The following SNRPB2 variants were observed in gnomAD, a reference collection of about 807,000 sequenced individuals.
SNRPB2 encodes U2 small nuclear ribonucleoprotein B''.
Under a neutral mutation model 26.3 loss-of-function variants are expected in SNRPB2, and 16 were observed. The observed-to-expected ratio is 0.61, with a 90% CI of 0.41 to 0.92. SNRPB2 has a LOEUF of 0.92. Among genes scored for constraint, SNRPB2 ranks in the 40% least tolerant of loss-of-function variants. SNRPB2 has a pLI of 0.00. For missense variants in SNRPB2, 179 were observed against 268.1 expected, an observed-to-expected ratio of 0.67 and a Z score of 2.32; for synonymous variants, 75 against 89.0, an observed-to-expected ratio of 0.84 and a Z score of 0.88.
intron 5 of SNRPB2, 134 bp from the exon 6 acceptor site, chr20:16,740,191 C>CTGT: frequency 6.9e-7 from 1 of 1,457,462 alleles, no homozygotes; most frequent in Admixed American, 2.6e-5. Context: ...TGCTTAGTTA[C>CTGT]TGTAAGGTTT....
intron 2 of SNRPB2, 83 bp from the exon 3 acceptor site, chr20:16,732,081 G>T: frequency 1.3e-6 from 1 of 789,550 alleles, no homozygotes; most frequent in East Asian, 2.6e-5. Flanking sequence ...TGGTGGGGGG[G>T]GCAACTCAAT....
chr20:16,731,575 C>A, intron 1 of SNRPB2, 93 bp from the exon 2 acceptor site: 1 of 1,282,332 alleles, frequency 7.8e-7, no homozygotes, highest in Non-Finnish European at 1.1e-6. Context: ...TTTCTGACAA[C>A]TGGGATTGAA....
chr20:16,738,139 A>G (rs8116731), intron 4 of SNRPB2, among the ~76,000 whole-genome samples: 22,700 of 151,516 alleles, frequency 0.15, 2,130 homozygotes, highest in African/African-American at 0.25. Context: ...GAAATACCAG[A>G]TAAAAGTGAA....
chr20:16,734,564 T>C (rs1228792899), intron 3 of SNRPB2, among the ~76,000 whole-genome samples: 1 of 152,222 alleles, frequency 6.6e-6, no homozygotes, highest in Non-Finnish European at 1.5e-5. Context: ...GACTTTTATC[T>C]CTAATAGGTA....
intron 5 of SNRPB2, among the ~76,000 whole-genome samples, chr20:16,739,526 C>G (rs1304059633): frequency 2.0e-5 from 3 of 152,074 alleles, no homozygotes; most frequent in Non-Finnish European, 4.4e-5. Flanking sequence ...ATAGAATTCT[C>G]TGTACCACTG....
chr20:16,736,866 C>G (rs990585828), intron 3 of SNRPB2, among the ~76,000 whole-genome samples: 3 of 152,188 alleles, frequency 2.0e-5, no homozygotes, highest in African/African-American at 7.2e-5. Flanking sequence ...TGAGCCAGAT[C>G]CTCAGGCACT....
At chr20:16,733,146 G>A (rs761179461) in intron 3 of SNRPB2, among the ~76,000 whole-genome samples, 19 of 152,188 alleles carry the variant, frequency 1.2e-4, no homozygotes, top group Non-Finnish European at 2.1e-4. Context: ...CTTCATTCTG[G>A]TTGTACTATT....
intron 2 of SNRPB2, 103 bp from the exon 3 acceptor site, chr20:16,732,061 A>T: frequency 4.2e-6 from 3 of 719,342 alleles, no homozygotes; most frequent in South Asian, 3.7e-5. Context: ...TAACTGTATA[A>T]ATAAGTGAAT....
chr20:16,740,044 A>T (rs1408440612), intron 5 of SNRPB2, among the ~76,000 whole-genome samples: 1 of 151,820 alleles, frequency 6.6e-6, no homozygotes, highest in African/African-American at 2.4e-5. Flanking sequence ...ATCTTTGATT[A>T]TGTTATCCAG....
chr20:16,739,739 A>G (rs1452035477), intron 5 of SNRPB2, among the ~76,000 whole-genome samples: 1 of 152,076 alleles, frequency 6.6e-6, no homozygotes, highest in Non-Finnish European at 1.5e-5. Flanking sequence ...TTAGTTCCCC[A>G]TAACCTCTGG....
Position 16,737,344 on chromosome 20 carries a change from G to GA in SNRPB2, c.327dup (p.Ala110SerfsTer24). Reference sequence around the variant, plus strand: ...CTGACAAAGAAAAGAAAAAAGAAAAGAAAAAAGCCAAAACTGTGGAACAGA... The same window carrying GA: ...CTGACAAAGAAAAGAAAAAAGAAAAGAAAAAAAGCCAAAACTGTGGAACAGA... On this transcript the variant is annotated frameshift_variant, in exon 4 of 7. Coordinates refer to ENST00000246071, the MANE Select transcript of SNRPB2 (RefSeq NM_003092.5). LOFTEE classifies it high-confidence loss of function. The GA allele has an allele frequency of 1.2e-6, 2 of 1,606,466 alleles. No individual in the cohort carries two copies. The highest frequency in any genetic ancestry group is 1.7e-6 in the Non-Finnish European group (2 of 1,177,944).
At chr20:16,739,040 C>A in intron 5 of SNRPB2, 138 bp downstream of exon 5, 11 of 616,168 alleles carry the variant, frequency 1.8e-5, no homozygotes, top group African/African-American at 7.5e-5. Flanking sequence ...TCTGCCACTG[C>A]AATGTAAGAA....
rs75274334 is a variant in SNRPB2, at chr20:16,731,472, A to C, written c.-35-196A>C. 2.1e-3 allele frequency among the ~76,000 whole-genome samples: 317 copies of C among 152,356 alleles called. 2 individuals carry two copies. Among genetic ancestry groups the C allele is most frequent in the African/African-American group, 7.4e-3 (306 of 41,586 alleles). On this transcript the variant is annotated intron_variant, in intron 1 of 6. Transcript: ENST00000246071. ...AAATCTGGCTAGGTATTGGTGCTCC[A>C]AGTTTTGAATGTGAGAAACTGTTCT... is the stretch of plus-strand genomic sequence containing the variant.
intron 5 of SNRPB2, 33 bp downstream of exon 5, chr20:16,738,935 AATAAG>A: frequency 6.9e-7 from 1 of 1,445,354 alleles, no homozygotes; most frequent in Non-Finnish European, 9.7e-7. Flanking sequence ...CTTACCTTAA[AATAAG>A]ATTGTAAAAA....
intron 3 of SNRPB2, among the ~76,000 whole-genome samples, chr20:16,734,087 G>A (rs1433893584): frequency 6.6e-6 from 1 of 152,196 alleles, no homozygotes; most frequent in Non-Finnish European, 1.5e-5. Context: ...GCTGAGTTGA[G>A]ATGACAAGTT....
intron 1 of SNRPB2, chr20:16,730,520 C>G (rs139697394): frequency 6.6e-6 from 1 of 152,366 alleles, no homozygotes; most frequent in African/African-American, 2.4e-5. Flanking sequence ...TTCACTTTGA[C>G]CTCTGCCTCA....
At chr20:16,735,311 A>T (rs917028708) in intron 3 of SNRPB2, among the ~76,000 whole-genome samples, 2 of 152,006 alleles carry the variant, frequency 1.3e-5, no homozygotes, top group African/African-American at 4.8e-5. Context: ...TAATTTGTAC[A>T]GATTACTACA....
In SNRPB2 at chr20:16,735,623, T is replaced by C. The variant is rs150938614; in HGVS notation, c.238-1638T>C. On this transcript the variant is annotated intron_variant, in intron 3 of 6. Coordinates refer to ENST00000246071, the MANE Select transcript of SNRPB2 (RefSeq NM_003092.5). ...CCCAGACCTACTACATCAGAGCTTT[T>C]ACCTACTTTCCAGGCATTTGGAATG... Among the ~76,000 whole-genome samples the C allele has an allele frequency of 7.7e-3, 1,173 of 152,310 alleles. 17 individuals are homozygous for C. Among genetic ancestry groups the C allele is most frequent in the African/African-American group, 0.027 (1,115 of 41,566 alleles).
rs1327406656 is a variant in SNRPB2 at position 16,741,926 on chromosome 20, A to G, written c.*921A>G. Reference sequence around the variant, plus strand: ...CTCCAGAAGTGGACAATTTGTTTTTACAAGTATGGTACATATTAATAGTAA... The same window carrying G: ...CTCCAGAAGTGGACAATTTGTTTTTGCAAGTATGGTACATATTAATAGTAA... On this transcript the variant is annotated 3_prime_UTR_variant, in exon 7 of 7. Transcript: ENST00000246071. The G allele has an allele frequency of 6.6e-6, 1 of 152,208 alleles. No individual in the cohort carries two copies. The highest frequency in any genetic ancestry group is 2.4e-5 in the African/African-American group (1 of 41,442). The allele number at this position is 152,208 out of a possible 1,614,324, so 9.4% of individuals were successfully genotyped here. A position where few individuals can be genotyped will look rare whatever the true frequency, so the allele number is the denominator to read the frequency against.
Sources: allele counts gnomAD v4.1 joint callset (sites outside exome capture counted in the v4.1 genomes callset), GRCh38; gene constraint gnomAD v4.1.1; transcripts MANE v1.5; gene names NCBI Gene and HGNC (gene_info 2026-07-23, HGNC 2026-07-21).